RAD51B: variants seen among roughly 807,000 people sequenced by gnomAD.
RAD51B encodes RAD51 paralog B.
RAD51B carries 38 observed loss-of-function variants against 42.2 expected under a neutral mutation model. The ratio of observed to expected loss-of-function variants is 0.90; its 90% CI spans 0.70 to 1.18. RAD51B has a LOEUF of 1.18. Among genes scored for constraint, RAD51B ranks in the 50% most tolerant of loss-of-function variants. RAD51B has a pLI of 0.00. For synonymous variants in RAD51B, 154 were observed against 145.2 expected (o/e 1.06, Z -0.43); for missense variants, 373 against 400.7 (o/e 0.93, Z 0.59).
intron 10 of RAD51B, among the ~76,000 whole-genome samples, chr14:68,485,970 C>T (rs990835418): frequency 5.9e-5 from 9 of 152,332 alleles, no homozygotes; most frequent in African/African-American, 1.9e-4. Context: ...AGGGGGAAAA[C>T]TGAATTGTGG....
At chr14:68,576,568 G>A (rs865960567) in intron 10 of RAD51B, among the ~76,000 whole-genome samples, 4 of 152,198 alleles carry the variant, frequency 2.6e-5, no homozygotes, top group African/African-American at 7.2e-5. Flanking sequence ...AGATGCTAAA[G>A]CATCCAGGCA....
At chr14:67,896,522 TAAC>T (rs1407764005) in intron 7 of RAD51B, among the ~76,000 whole-genome samples, 1 of 152,236 alleles carries the variant, frequency 6.6e-6, no homozygotes, top group Non-Finnish European at 1.5e-5. Context: ...TTTAGAAGTT[TAAC>T]AACGTCAGGT....
intron 7 of RAD51B, among the ~76,000 whole-genome samples, chr14:68,186,410 A>G (rs543435910): frequency 6.6e-6 from 1 of 152,310 alleles, no homozygotes; most frequent in Admixed American, 6.5e-5. Context: ...GAAACTATCA[A>G]CAGAGTAAAC....
chr14:67,887,914 C>T (rs1453828186), intron 7 of RAD51B, among the ~76,000 whole-genome samples: 1 of 152,160 alleles, frequency 6.6e-6, no homozygotes, highest in Non-Finnish European at 1.5e-5. Context: ...GAGTTTTAGT[C>T]GTTGTTCCAC....
intron 7 of RAD51B, among the ~76,000 whole-genome samples, chr14:67,999,895 A>G (rs1220221767): frequency 6.6e-6 from 1 of 152,178 alleles, no homozygotes; most frequent in East Asian, 1.9e-4. Flanking sequence ...TTAAGGAACT[A>G]AATGAGCAAG....
chr14:68,607,633 T>C (rs565278903), intron 10 of RAD51B, among the ~76,000 whole-genome samples: 1 of 148,816 alleles, frequency 6.7e-6, no homozygotes, highest in South Asian at 2.2e-4. Context: ...TGCTCCTGGA[T>C]TTATTGCAAA....
chr14:67,968,987 T>C (rs571398955), intron 7 of RAD51B, among the ~76,000 whole-genome samples: 71 of 151,904 alleles, frequency 4.7e-4, no homozygotes, highest in African/African-American at 1.7e-3. Flanking sequence ...TGGTGGGAGG[T>C]GAAAGGCACT....
At chr14:67,920,935 A>G (rs1937290548) in intron 7 of RAD51B, among the ~76,000 whole-genome samples, 1 of 152,254 alleles carries the variant, frequency 6.6e-6, no homozygotes, top group African/African-American at 2.4e-5. Flanking sequence ...GAGATAGAGA[A>G]CATTTGAGGA....
intron 11 of RAD51B, among the ~76,000 whole-genome samples, chr14:68,652,827 G>A: frequency 6.6e-6 from 1 of 152,236 alleles, no homozygotes; most frequent in East Asian, 1.9e-4. Flanking sequence ...ATCCCCTGTA[G>A]GAAGTAGGGC....
chr14:67,856,035 TA>T (rs1293567749), intron 4 of RAD51B, among the ~76,000 whole-genome samples: 2 of 152,280 alleles, frequency 1.3e-5, no homozygotes, highest in African/African-American at 4.8e-5. Flanking sequence ...AATGGTTTAC[TA>T]GAGTCTTTTA....
intron 9 of RAD51B, among the ~76,000 whole-genome samples, chr14:68,425,871 T>A (rs1470313528): frequency 2.0e-5 from 3 of 152,154 alleles, no homozygotes; most frequent in African/African-American, 7.2e-5. Flanking sequence ...GAGAAACTTC[T>A]TAGAGATTAC....
At chr14:68,307,610 CTT>C (rs1419246012) in intron 8 of RAD51B, among the ~76,000 whole-genome samples, 4 of 152,190 alleles carry the variant, frequency 2.6e-5, no homozygotes, top group Non-Finnish European at 5.9e-5. Flanking sequence ...CTCTGGCACA[CTT>C]TTAATGGCAT....
At chr14:68,599,170 G>A (rs1378302721), downstream of RAD51B, among the ~76,000 whole-genome samples, 1 of 152,210 alleles carries the variant, frequency 6.6e-6, no homozygotes, top group Non-Finnish European at 1.5e-5. Flanking sequence ...AACACAGGGG[G>A]CTGCCAGGAG....
chr14:68,407,067 G>C (rs1352477252), intron 8 of RAD51B, among the ~76,000 whole-genome samples: 1 of 152,074 alleles, frequency 6.6e-6, no homozygotes, highest in African/African-American at 2.4e-5. Context: ...CTGTTTTACA[G>C]TTAACTTCTT....
chr14:68,110,116 A>C (rs2077437576), intron 7 of RAD51B, among the ~76,000 whole-genome samples: 1 of 151,990 alleles, frequency 6.6e-6, no homozygotes, highest in South Asian at 2.1e-4. Context: ...CTAGTATACT[A>C]AGAAATTGGA....
chr14:68,583,853 G>A (rs950539780), intron 10 of RAD51B, among the ~76,000 whole-genome samples: 2 of 152,188 alleles, frequency 1.3e-5, no homozygotes, highest in African/African-American at 4.8e-5. Context: ...TCCAGCAGCA[G>A]GGCATATGTG....
chr14:68,618,125 C>T (rs931251814), intron 10 of RAD51B, among the ~76,000 whole-genome samples: 1 of 152,112 alleles, frequency 6.6e-6, no homozygotes, highest in Non-Finnish European at 1.5e-5. Flanking sequence ...GAGACAGAGG[C>T]AAAAAATTTT....
Position 68,311,157 on chromosome 14 carries a change from T to C in RAD51B, c.853+19177T>C, listed in dbSNP as rs142298392. ...CCCCTAGGCAACTTTGAAGAGGAAA[T>C]CATTGCAAGAAAATGAGACTTACTA... On this transcript the variant is annotated intron_variant, in intron 8 of 10. Coordinates refer to ENST00000471583, the MANE Select transcript of RAD51B (RefSeq NM_133510.4). 5.1e-3 allele frequency among the ~76,000 whole-genome samples: 772 copies of C among 152,110 alleles called. 8 individuals carry two copies. Among genetic ancestry groups the C allele is most frequent in the African/African-American group, 0.017 (709 of 41,490 alleles).
intron 10 of RAD51B, among the ~76,000 whole-genome samples, chr14:68,536,915 A>G (rs2140359578): frequency 6.6e-6 from 1 of 150,740 alleles, no homozygotes; most frequent in East Asian, 2.0e-4. Context: ...TGTCTCTACA[A>G]AAAAAAATTG....
Sources: allele counts gnomAD v4.1 joint callset (sites outside exome capture counted in the v4.1 genomes callset), GRCh38; gene constraint gnomAD v4.1.1; transcripts MANE v1.5; gene names NCBI Gene and HGNC (gene_info 2026-07-23, HGNC 2026-07-21).